LRCH3: variants seen among roughly 807,000 people sequenced by gnomAD.
LRCH3 encodes the protein DISP complex protein LRCH3.
Under a neutral mutation model 104.5 loss-of-function variants are expected in LRCH3, and 68 were observed. The observed-to-expected ratio is 0.65, with a 90% CI of 0.54 to 0.80. LRCH3 has a LOEUF of 0.80. Among genes scored for constraint, LRCH3 ranks in the 30% least tolerant of loss-of-function variants. LRCH3 has a pLI of 0.00. For missense variants in LRCH3, 951 were observed against 953.9 expected (o/e 1.00, Z 0.04); for synonymous variants, 344 against 361.3 (o/e 0.95, Z 0.54).
chr3:197,808,239 G>A (rs1405891828), intron 1 of LRCH3, among the ~76,000 whole-genome samples: 1 of 152,204 alleles, frequency 6.6e-6, no homozygotes, highest in Admixed American at 6.5e-5. Context: ...GACTCAGAGA[G>A]AAGACAGCAT....
At chr3:197,879,995 G>C (rs1314024633) in intron 20 of LRCH3, among the ~76,000 whole-genome samples, 1 of 150,742 alleles carries the variant, frequency 6.6e-6, no homozygotes, top group Non-Finnish European at 1.5e-5. Flanking sequence ...ACCCAGGCTG[G>C]AGTGCGGTGG....
chr3:197,817,146 A>T (rs765225697), intron 2 of LRCH3, 30 bp from the exon 3 acceptor site: 1 of 1,575,530 alleles, frequency 6.3e-7, no homozygotes, highest in Non-Finnish European at 8.6e-7. Context: ...GTGGACTCTG[A>T]TTCTTCTCTC....
At chr3:197,804,747 C>T (rs1434464961) in intron 1 of LRCH3, among the ~76,000 whole-genome samples, 1 of 152,188 alleles carries the variant, frequency 6.6e-6, no homozygotes, top group African/African-American at 2.4e-5. Flanking sequence ...CAACAGTGAC[C>T]ATCACAGGTT....
At chr3:197,863,878 T>C (rs1286966886) in intron 15 of LRCH3, among the ~76,000 whole-genome samples, 1 of 152,238 alleles carries the variant, frequency 6.6e-6, no homozygotes, top group African/African-American at 2.4e-5. Context: ...TAGAAACTAT[T>C]ATGGAGAAAT....
At chr3:197,830,667 G>A (rs1262762773) in intron 6 of LRCH3, 103 bp from the exon 7 acceptor site, 3 of 867,044 alleles carry the variant, frequency 3.5e-6, no homozygotes, top group Non-Finnish European at 5.5e-6. Context: ...TAATAGTTAA[G>A]TGACTGCCAC....
rs1714016867 is a variant in LRCH3, at chr3:197,884,218, AATCTC to A, written c.*554_*558del. 6.6e-6 allele frequency: 1 copy of A among 152,384 alleles called. No homozygotes were observed. Among genetic ancestry groups the A allele is most frequent in the African/African-American group, 2.4e-5 (1 of 41,460 alleles). 9.4% of individuals were successfully genotyped at this position (152,384 alleles called of 1,614,324 possible). ...CGCCCAGGCTAGAGTGCAGTGGCAT[AATCTC>A]AGCTCACTGCAACCTCCGCCTCCCG... On this transcript the variant is annotated 3_prime_UTR_variant, in exon 21 of 21. Coordinates refer to ENST00000425562, the MANE Select transcript of LRCH3 (RefSeq NM_001365715.1).
rs767195539 is a variant in LRCH3, at chr3:197,883,475, T to G, written c.2209-66T>G. ...AGGGGAGAAGTGCTTATTTTTTCCT[T>G]TCAGTTCTATGATATTCATCCGATT... On this transcript the variant is annotated intron_variant, in intron 20 of 20. Transcript: ENST00000425562. This position sits in a 1 kb window ranked among gnomAD's most constrained non-coding sequence, Gnocchi z 4.2. 14 of 1,491,768 alleles carry G rather than the reference T, an allele frequency of 9.4e-6. No individual in the cohort carries two copies. The highest frequency in any genetic ancestry group is 1.4e-5 in the African/African-American group (1 of 71,438). 92.4% of individuals were successfully genotyped at this position (1,491,768 alleles called of 1,614,324 possible). A position where few individuals can be genotyped will look rare whatever the true frequency, so the allele number is the denominator to read the frequency against.
At chr3:197,875,174 G>A (rs1256265729) in intron 19 of LRCH3, among the ~76,000 whole-genome samples, 1 of 151,912 alleles carries the variant, frequency 6.6e-6, no homozygotes, top group African/African-American at 2.4e-5. Context: ...GAGGTGATCC[G>A]CCCACCTCAG....
chr3:197,818,891 C>T (rs559447157), intron 3 of LRCH3, among the ~76,000 whole-genome samples: 4 of 151,870 alleles, frequency 2.6e-5, no homozygotes, highest in African/African-American at 9.7e-5. Context: ...TTTGGGAGGC[C>T]GAGAGGGGCA....
At position 197,827,102 on chromosome 3, in the gene LRCH3, A is replaced by C. The variant is rs1735297013; in HGVS notation, c.777+88A>C. 3 of 1,557,958 alleles carry C rather than the reference A, an allele frequency of 1.9e-6. No homozygotes were observed. In the Admixed American group the frequency reaches 5.7e-5, roughly 30 times the overall value. On this transcript the variant is annotated intron_variant, in intron 5 of 20. Transcript: ENST00000425562. ...GCATCTGGTGAACCATAGTGGAAGCATCAGGTAAATCATAGTGGAAGCATC... is the reference window on the plus strand; with the variant it reads ...GCATCTGGTGAACCATAGTGGAAGCCTCAGGTAAATCATAGTGGAAGCATC...
chr3:197,887,207 CT>C lies in LRCH3; in HGVS notation c.*3552del, dbSNP rs967145132. ...TTTGTATTCAGTATTTTGTATGTAC[CT>C]TTTTTTTTTTAAATTGGAAAGCACA... On this transcript the variant is annotated 3_prime_UTR_variant, in exon 21 of 21. Transcript: ENST00000425562. The C allele has an allele frequency of 6.2e-4, 91 of 146,634 alleles. No individual in the cohort carries two copies. The highest frequency in any genetic ancestry group is 8.6e-4 in the South Asian group (4 of 4,640). 9.1% of individuals were successfully genotyped at this position (146,634 alleles called of 1,614,324 possible). A position where few individuals can be genotyped will look rare whatever the true frequency, so the allele number is the denominator to read the frequency against.
intron 1 of LRCH3, among the ~76,000 whole-genome samples, chr3:197,813,998 T>C (rs1733524680): frequency 6.6e-6 from 1 of 152,268 alleles, no homozygotes; most frequent in South Asian, 2.1e-4. Flanking sequence ...TATTGTTTAC[T>C]CAGTGATACC....
chr3:197,811,089 C>T (rs909324120), intron 1 of LRCH3, among the ~76,000 whole-genome samples: 7 of 152,092 alleles, frequency 4.6e-5, no homozygotes, highest in African/African-American at 1.4e-4. Flanking sequence ...GTCTGAAAAG[C>T]GTAACCCACT....
chr3:197,888,378 C>T lies in LRCH3; in HGVS notation c.*4712C>T, dbSNP rs781275344. 11 of 152,218 alleles carry T rather than the reference C, an allele frequency of 7.2e-5. No homozygotes were observed. The highest frequency in any genetic ancestry group is 1.3e-4 in the Admixed American group (2 of 15,294). The allele number at this position is 152,218 out of a possible 1,614,324, so 9.4% of individuals were successfully genotyped here. ...TGTATGTTATTTTAAATTGCCTGTA[C>T]GCCACTTTACACATTGACATTCAAA... On this transcript the variant is annotated 3_prime_UTR_variant, in exon 21 of 21. Coordinates refer to ENST00000425562, the MANE Select transcript of LRCH3 (RefSeq NM_001365715.1).
intron 17 of LRCH3, among the ~76,000 whole-genome samples, chr3:197,867,407 CT>C (rs1282036992): frequency 1.3e-5 from 2 of 151,224 alleles, no homozygotes; most frequent in Non-Finnish European, 3.0e-5. Context: ...CAGTGTGAAA[CT>C]TATGTCTCAA....
rs1056633460 is a variant in LRCH3, at chr3:197,856,638, C to G, written c.1644+2193C>G. ...CAGGGCTCAAGCAATCCTCCTGCCCCAGCCTCCCAAAGTGCTGAGATTACA... is the reference window on the plus strand; with the variant it reads ...CAGGGCTCAAGCAATCCTCCTGCCCGAGCCTCCCAAAGTGCTGAGATTACA... On this transcript the variant is annotated intron_variant, in intron 14 of 20. Transcript: ENST00000425562. The surrounding 1 kb of genome is among the most constrained non-coding windows in gnomAD (Gnocchi z 4.2). 1.3e-5 allele frequency among the ~76,000 whole-genome samples: 2 copies of G among 152,126 alleles called. No individual in the cohort carries two copies. Among genetic ancestry groups the G allele is most frequent in the Non-Finnish European group, 2.9e-5 (2 of 67,992 alleles).
At chr3:197,839,463 T>C (rs1737465346) in intron 10 of LRCH3, 66 bp downstream of exon 10, 1 of 972,172 alleles carries the variant, frequency 1.0e-6, no homozygotes, top group Non-Finnish European at 1.6e-6. Context: ...GTAATTTTGG[T>C]TTTATGCAGA....
chr3:197,791,440 G>A lies in LRCH3; in HGVS notation c.162G>A (p.Glu54=), dbSNP rs1359420445. The A allele has an allele frequency of 6.3e-7, 1 of 1,596,900 alleles. No individual in the cohort carries two copies. The highest frequency in any genetic ancestry group is 8.5e-7 in the Non-Finnish European group (1 of 1,173,062). The change falls in exon 1 of 21, where the codon GAG becomes GAA. Residue 54 remains glutamate (E), a synonymous_variant. Coordinates refer to ENST00000425562, the MANE Select transcript of LRCH3 (RefSeq NM_001365715.1). The stretch of plus-strand genomic sequence containing the variant: ...GCCGCTCTCTCGATCGAGCCCTGGA[G>A]GAGGCGGCGGTCACTGGGGTGCTGA... ...SWSRSLDRAL[E]EAAVTGVLSL...
At chr3:197,832,084 A>T in intron 7 of LRCH3, 113 bp from the exon 8 acceptor site, 1 of 1,055,156 alleles carries the variant, frequency 9.5e-7, no homozygotes, top group Non-Finnish European at 1.3e-6. Flanking sequence ...TAGCTAATTT[A>T]CTCCTGGCCT....
Sources: gnomAD v4.1 joint callset for allele counts (sites outside exome capture counted in the v4.1 genomes callset) on GRCh38, gnomAD v4.1.1 for gene constraint, Gnocchi (gnomAD v3.1) non-coding constraint, MANE v1.5 for transcripts, NCBI Gene and HGNC (gene_info 2026-07-23, HGNC 2026-07-21) for gene names.